The following NEGR1 variants were observed in gnomAD, a reference collection of about 807,000 sequenced individuals.
NEGR1 encodes neuronal growth regulator 1, also known as IgLON family member 4.
NEGR1 carries 10 observed loss-of-function variants against 40.9 expected under a neutral mutation model. That is an observed-to-expected ratio of 0.24 (90% CI 0.15 to 0.42). The LOEUF (loss-of-function observed/expected upper bound fraction) is 0.42, where lower values mean the gene tolerates loss of function less well. Among genes scored for constraint, NEGR1 ranks in the 10% least tolerant of loss-of-function variants. The probability of loss-of-function intolerance (pLI) is 1.00; values close to 1 mark genes in which losing one functional copy is unlikely to be tolerated. For synonymous variants in NEGR1, 185 were observed against 166.8 expected (o/e 1.11, Z -0.84); for missense variants, 352 against 438.9 (o/e 0.80, Z 1.77).
chr1:71,850,137 T>TTTTG (rs370506321), intron 2 of NEGR1, among the ~76,000 whole-genome samples: 2,964 of 93,378 alleles, frequency 0.032, 35 homozygotes, highest in Non-Finnish European at 0.042. Context: ...TACTGTCTTT[T>TTTTG]TTTGTTTGTT....
At chr1:71,969,670 A>T (rs993146675) in intron 1 of NEGR1, among the ~76,000 whole-genome samples, 3 of 152,230 alleles carry the variant, frequency 2.0e-5, no homozygotes, top group African/African-American at 4.8e-5. Context: ...CATGATTAGG[A>T]AGTTCTAGAT....
chr1:71,430,693 A>T (rs568165372), intron 6 of NEGR1, among the ~76,000 whole-genome samples: 27 of 140,906 alleles, frequency 1.9e-4, no homozygotes, highest in East Asian at 4.4e-4. Flanking sequence ...TATAAGAATT[A>T]AAAAAAGGCC....
chr1:72,008,127 G>A (rs563000852), intron 1 of NEGR1, among the ~76,000 whole-genome samples: 64 of 152,116 alleles, frequency 4.2e-4, no homozygotes, highest in African/African-American at 1.4e-3. Flanking sequence ...ATATGATGAT[G>A]CGGATATACG....
At chr1:71,586,302 A>T (rs1308859150) in intron 6 of NEGR1, among the ~76,000 whole-genome samples, 1 of 152,158 alleles carries the variant, frequency 6.6e-6, no homozygotes, top group Non-Finnish European at 1.5e-5. Context: ...GAAGTTTTCA[A>T]AACAAATTAT....
chr1:72,274,817 T>A, intron 1 of NEGR1: 1 of 1,502,094 alleles, frequency 6.7e-7, no homozygotes, highest in East Asian at 2.3e-5. Flanking sequence ...GTGGGCCAGG[T>A]GATCAGAGTT....
intron 6 of NEGR1, among the ~76,000 whole-genome samples, chr1:71,505,272 AC>A (rs1647024376): frequency 6.6e-6 from 1 of 151,408 alleles, no homozygotes; most frequent in Non-Finnish European, 1.5e-5. Context: ...TAGCCCCTAC[AC>A]CCTGTTTCTT....
At chr1:71,689,254 T>C (rs144557601) in intron 4 of NEGR1, among the ~76,000 whole-genome samples, 3 of 152,256 alleles carry the variant, frequency 2.0e-5, no homozygotes, top group Non-Finnish European at 4.4e-5. Context: ...AGCCAAACAG[T>C]GGCTTTATAC....
chr1:71,801,226 G>T (rs1394026511), intron 2 of NEGR1, among the ~76,000 whole-genome samples: 5 of 152,144 alleles, frequency 3.3e-5, no homozygotes, highest in African/African-American at 9.7e-5. Flanking sequence ...AGCTCTGATG[G>T]TTTTTTCCTC....
chr1:71,916,372 A>C (rs1661584394), intron 2 of NEGR1, among the ~76,000 whole-genome samples: 2 of 152,314 alleles, frequency 1.3e-5, no homozygotes, highest in East Asian at 3.9e-4. Flanking sequence ...AAGTTTAAGC[A>C]AAGTTCTACA....
rs529844443 is a variant in NEGR1 at position 71,533,540 on chromosome 1, A to T, written c.940+59277T>A. On this transcript the variant is annotated intron_variant, in intron 6 of 6. Coordinates refer to ENST00000357731, the MANE Select transcript of NEGR1 (RefSeq NM_173808.3). ...CTCACACATATACACACAAACATGT[A>T]CATGTTTTAAATTACCTGGAATATA... Among the ~76,000 whole-genome samples, 51 of 151,792 alleles carry T rather than the reference A, an allele frequency of 3.4e-4. 1 individual carries two copies. The South Asian group carries it at 0.01, about 31-fold the overall frequency.
chr1:72,070,417 G>C (rs1647412179), intron 1 of NEGR1, among the ~76,000 whole-genome samples: 1 of 151,820 alleles, frequency 6.6e-6, no homozygotes, highest in Admixed American at 6.6e-5. Flanking sequence ...GTCAATATTA[G>C]ATATCAATAG....
At chr1:71,844,631 T>C (rs971659849) in intron 2 of NEGR1, among the ~76,000 whole-genome samples, 2 of 152,210 alleles carry the variant, frequency 1.3e-5, no homozygotes, top group Non-Finnish European at 2.9e-5. Flanking sequence ...TGAGTTCTCC[T>C]GCTTTATTGT....
intron 1 of NEGR1, among the ~76,000 whole-genome samples, chr1:72,256,064 C>A (rs1655262883): frequency 6.6e-6 from 1 of 152,100 alleles, no homozygotes; most frequent in African/African-American, 2.4e-5. Context: ...AAATTGGAAT[C>A]CAATTGCCTG....
intron 3 of NEGR1, among the ~76,000 whole-genome samples, chr1:71,730,877 C>CGT (rs59873481): frequency 0.094 from 12,273 of 129,898 alleles, 626 homozygotes; most frequent in Middle Eastern, 0.16. Flanking sequence ...GTGAAGCATT[C>CGT]GTGTGTGTGT....
At chr1:71,431,666 G>A (rs1039820080) in intron 6 of NEGR1, among the ~76,000 whole-genome samples, 15 of 151,986 alleles carry the variant, frequency 9.9e-5, no homozygotes, top group Admixed American at 7.2e-4. Context: ...ATATAGCAAT[G>A]AACAAACAAA....
intron 1 of NEGR1, among the ~76,000 whole-genome samples, chr1:72,169,423 G>C (rs1017301582): frequency 1.3e-5 from 2 of 151,996 alleles, no homozygotes; most frequent in African/African-American, 4.8e-5. Context: ...TGGCTATATT[G>C]CTCTATAGCA....
chr1:72,201,112 C>G (rs972836050), intron 1 of NEGR1, among the ~76,000 whole-genome samples: 1 of 151,614 alleles, frequency 6.6e-6, no homozygotes, highest in African/African-American at 2.4e-5. Context: ...TTTCTAATGC[C>G]TTCATTTTAC....
chr1:71,546,058 A>T (rs888169509), intron 6 of NEGR1, among the ~76,000 whole-genome samples: 2 of 151,732 alleles, frequency 1.3e-5, no homozygotes, highest in East Asian at 2.0e-4. Flanking sequence ...CCAGAAGGAA[A>T]AGTAATATTT....
At chr1:72,151,872 G>A (rs1306012386) in intron 1 of NEGR1, among the ~76,000 whole-genome samples, 1 of 151,684 alleles carries the variant, frequency 6.6e-6, no homozygotes, top group Non-Finnish European at 1.5e-5. Flanking sequence ...ACACCTAATA[G>A]AATAGCCAAA....
Sources: gnomAD v4.1 joint callset for allele counts (sites outside exome capture counted in the v4.1 genomes callset) on GRCh38, gnomAD v4.1.1 for gene constraint, MANE v1.5 for transcripts, NCBI Gene and HGNC (gene_info 2026-07-23, HGNC 2026-07-21) for gene names.